CLTC: variants seen among roughly 807,000 people sequenced by gnomAD.
The protein encoded by CLTC is clathrin heavy chain.
Under a neutral mutation model 195.8 loss-of-function variants are expected in CLTC, and 16 were observed. The observed-to-expected ratio is 0.08, with a 90% CI of 0.06 to 0.12. The LOEUF is 0.12. CLTC is among the 10% of genes least tolerant of loss of function. CLTC has a pLI of 1.00. For missense variants in CLTC, 796 were observed against 2,027.0 expected (o/e 0.39, Z 11.66); for synonymous variants, 667 against 689.4 (o/e 0.97, Z 0.51).
chr17:59,672,646 G>T (rs2032877161), intron 14 of CLTC, among the ~76,000 whole-genome samples: 1 of 152,042 alleles, frequency 6.6e-6, no homozygotes, highest in Admixed American at 6.6e-5. Flanking sequence ...TTTAATTTAG[G>T]ATGGCTATAT....
Position 59,648,133 on chromosome 17 carries a change from A to C in CLTC, c.520-107A>C. On this transcript the variant is annotated intron_variant, in intron 3 of 31. Coordinates refer to ENST00000269122, the MANE Select transcript of CLTC (RefSeq NM_004859.4). This position sits in a 1 kb window ranked among gnomAD's most constrained non-coding sequence, Gnocchi z 4.5. ...GAGAGATGAAGTGACAAATAATTAT[A>C]AATCCTGCTAAAGATGACAAAGCAT... is the stretch of plus-strand genomic sequence containing the variant. 1 of 1,073,674 alleles carries C rather than the reference A, an allele frequency of 9.3e-7. No individual in the cohort carries two copies. The allele number at this position is 1,073,674 out of a possible 1,614,324, so 66.5% of individuals were successfully genotyped here. A position where few individuals can be genotyped will look rare whatever the true frequency, so the allele number is the denominator to read the frequency against.
chr17:59,661,592 A>G lies in CLTC; in HGVS notation c.1317A>G (p.Val439=). Residue 439 remains valine, a synonymous_variant, in exon 8 of 32, where the codon GTA becomes GTG. Transcript: ENST00000269122. ...KYESLELCRP[V]LQQGRKQLLE... is the part of the protein sequence containing the mutation. The stretch of plus-strand genomic sequence containing the variant: ...AATCCTTAGAGCTTTGTAGGCCTGT[A>G]CTTCAGCAAGGGCGAAAACAGCTTT... The G allele has an allele frequency of 6.2e-7, 1 of 1,614,122 alleles. No homozygotes were observed. The highest frequency in any genetic ancestry group is 8.5e-7 in the Non-Finnish European group (1 of 1,180,008).
At chr17:59,623,735 C>A (rs944686642) in intron 1 of CLTC, among the ~76,000 whole-genome samples, 2 of 152,138 alleles carry the variant, frequency 1.3e-5, no homozygotes, top group African/African-American at 4.8e-5. Context: ...ACCGTTGTGG[C>A]TTTTTCTCTT....
At chr17:59,691,674 A>G (rs913185464) in intron 31 of CLTC, among the ~76,000 whole-genome samples, 1 of 148,620 alleles carries the variant, frequency 6.7e-6, no homozygotes, top group Non-Finnish European at 1.5e-5. Flanking sequence ...TAACCATTAT[A>G]TATCAGGCTA....
At chr17:59,646,720 G>A (rs1490173040) in intron 2 of CLTC, among the ~76,000 whole-genome samples, 1 of 152,130 alleles carries the variant, frequency 6.6e-6, no homozygotes, top group African/African-American at 2.4e-5. Flanking sequence ...CTAAATGCTT[G>A]CTTTCTTAAT....
At chr17:59,646,720 G>C (rs1490173040) in intron 2 of CLTC, among the ~76,000 whole-genome samples, 1 of 152,130 alleles carries the variant, frequency 6.6e-6, no homozygotes, top group Non-Finnish European at 1.5e-5. Flanking sequence ...CTAAATGCTT[G>C]CTTTCTTAAT....
chr17:59,627,124 A>G (rs2143443948), intron 1 of CLTC, among the ~76,000 whole-genome samples: 1 of 152,114 alleles, frequency 6.6e-6, no homozygotes, highest in South Asian at 2.1e-4. Context: ...TGGTCTCAAA[A>G]TCCCGGGCTC....
intron 17 of CLTC, 38 bp from the exon 18 acceptor site, chr17:59,679,357 TAC>T: frequency 6.5e-7 from 1 of 1,535,418 alleles, no homozygotes; most frequent in Non-Finnish European, 8.9e-7. Context: ...AAAAGTCCTT[TAC>T]TTTTTACCTT....
intron 1 of CLTC, among the ~76,000 whole-genome samples, chr17:59,621,507 A>C (rs1391111891): frequency 6.6e-6 from 1 of 152,224 alleles, no homozygotes; most frequent in African/African-American, 2.4e-5. Flanking sequence ...AGGTTTTAAC[A>C]TTCAGGCTAT....
chr17:59,664,608 ATTGACAGATG>A, intron 9 of CLTC, 169 bp from the exon 10 acceptor site: 1 of 517,180 alleles, frequency 1.9e-6, no homozygotes, highest in South Asian at 3.9e-5. Flanking sequence ...AGTTATAAAA[ATTGACAGATG>A]TTTGTTCAAA....
chr17:59,681,519 T>C lies in CLTC; in HGVS notation c.3249+41T>C. 2 of 1,603,376 alleles carry C rather than the reference T, an allele frequency of 1.2e-6. No individual in the cohort carries two copies. Among genetic ancestry groups the C allele is most frequent in the South Asian group, 2.2e-5 (2 of 90,380 alleles). On this transcript the variant is annotated intron_variant, in intron 20 of 31. Coordinates refer to ENST00000269122, the MANE Select transcript of CLTC (RefSeq NM_004859.4). The surrounding 1 kb of genome is among the most constrained non-coding windows in gnomAD (Gnocchi z 5.0). ...ACCTAAGTTGAATTACTAAACACTG[T>C]GCTATGAGGGTGGGCCTAATTGGTT...
Position 59,696,584 on chromosome 17 carries a change from T to C in CLTC, c.*2732T>C, listed in dbSNP as rs181440012. On this transcript the variant is annotated 3_prime_UTR_variant, in exon 32 of 32. Transcript: ENST00000269122. ...TATGTGGCTTGGGGAGTTGGGACCC[T>C]CTGCCTCATATTCTGGGTAACTGGT... The C allele has an allele frequency of 3.4e-4, 73 of 213,636 alleles. No homozygotes were observed. The highest frequency in any genetic ancestry group is 4.4e-4 in the Non-Finnish European group (47 of 105,778). 13.2% of individuals were successfully genotyped at this position (213,636 alleles called of 1,614,324 possible). A position where few individuals can be genotyped will look rare whatever the true frequency, so the allele number is the denominator to read the frequency against.
intron 1 of CLTC, among the ~76,000 whole-genome samples, chr17:59,639,728 G>T (rs1423711949): frequency 6.6e-6 from 1 of 151,866 alleles, no homozygotes; most frequent in African/African-American, 2.4e-5. Context: ...CCAACACTGG[G>T]AGGTCGAGCT....
At chr17:59,658,421 C>CT (rs1160224179) in intron 6 of CLTC, among the ~76,000 whole-genome samples, 3 of 152,182 alleles carry the variant, frequency 2.0e-5, no homozygotes, top group South Asian at 2.1e-4. Context: ...GTTCATAACT[C>CT]TAATTCTGGG....
Position 59,664,009 on chromosome 17 carries a change from A to G in CLTC, c.1521+15A>G. The G allele has an allele frequency of 1.9e-6, 3 of 1,605,984 alleles. No individual in the cohort carries two copies. The highest frequency in any genetic ancestry group is 2.6e-6 in the Non-Finnish European group (3 of 1,174,944). On this transcript the variant is annotated intron_variant, in intron 9 of 31. Transcript: ENST00000269122. ...ATGCTAAAAAAGTGAGTTCAATGAAACACATTCTCAGCATGAATTCATTGA... is the reference window on the plus strand; with the variant it reads ...ATGCTAAAAAAGTGAGTTCAATGAAGCACATTCTCAGCATGAATTCATTGA...
At position 59,648,309 on chromosome 17, in the gene CLTC, C is replaced by T. The variant is rs1463193729; in HGVS notation, c.589C>T (p.His197Tyr). 6.2e-7 allele frequency: 1 copy of T among 1,614,102 alleles called. No individual in the cohort carries two copies. The highest frequency in any genetic ancestry group is 2.2e-5 in the East Asian group (1 of 44,878). Residue 197 changes from histidine (H) to tyrosine (Y), a missense_variant, in exon 4 of 32, where the codon CAT becomes TAT. This residue lies in a region of CLTC where 293 missense variants were observed against 795.6 expected (regional missense o/e 0.37). Transcript: ENST00000269122. This position sits in a 1 kb window ranked among gnomAD's most constrained non-coding sequence, Gnocchi z 4.5. ...DRKVSQPIEGHAASFAQFKME... is the reference protein window; with the variant it reads ...DRKVSQPIEGYAASFAQFKME... ...GAAAGTGTCTCAGCCCATTGAAGGA[C>T]ATGCAGCTAGCTTTGCACAGTTTAA...
At chr17:59,657,852 T>A (rs1019815594) in intron 6 of CLTC, among the ~76,000 whole-genome samples, 1 of 150,832 alleles carries the variant, frequency 6.6e-6, no homozygotes, top group Non-Finnish European at 1.5e-5. Context: ...AATCATGAAG[T>A]TGTGAAGCCA....
At chr17:59,645,249 T>TAG (rs745451431) in intron 2 of CLTC, among the ~76,000 whole-genome samples, 1 of 152,158 alleles carries the variant, frequency 6.6e-6, no homozygotes, top group Non-Finnish European at 1.5e-5. Context: ...TCACTTAGAT[T>TAG]ATTGGGTTCT....
intron 1 of CLTC, among the ~76,000 whole-genome samples, chr17:59,641,878 G>C (rs1223635056): frequency 6.6e-6 from 1 of 151,912 alleles, no homozygotes; most frequent in Non-Finnish European, 1.5e-5. Flanking sequence ...TGCAGAGATG[G>C]GGTCTCATTA....
Sources: allele counts gnomAD v4.1 joint callset (sites outside exome capture counted in the v4.1 genomes callset), GRCh38; gene constraint gnomAD v4.1.1; regional missense constraint gnomAD v4.1.1; non-coding constraint Gnocchi (gnomAD v3.1); transcripts MANE v1.5; gene names NCBI Gene and HGNC (gene_info 2026-07-23, HGNC 2026-07-21).